SKAP2: variants seen among roughly 807,000 people sequenced by gnomAD.
SKAP2 encodes the protein src kinase associated phosphoprotein 2.
A neutral mutation model predicts 54.9 loss-of-function variants in SKAP2; 28 were observed. The ratio of observed to expected loss-of-function variants is 0.51; its 90% CI spans 0.38 to 0.70. The LOEUF is 0.70. Among genes scored for constraint, SKAP2 ranks in the 30% least tolerant of loss-of-function variants. SKAP2 has a pLI of 0.00. For missense variants in SKAP2, 356 were observed against 424.1 expected, an observed-to-expected ratio of 0.84 and a Z score of 1.41; for synonymous variants, 137 against 134.3, an observed-to-expected ratio of 1.02 and a Z score of -0.14.
At chr7:26,842,627 CTGTG>C (rs1315631902) in intron 4 of SKAP2, among the ~76,000 whole-genome samples, 2 of 151,564 alleles carry the variant, frequency 1.3e-5, no homozygotes, top group African/African-American at 4.8e-5. Flanking sequence ...AATATTCTGT[CTGTG>C]TATGTGTATA....
intron 1 of SKAP2, among the ~76,000 whole-genome samples, chr7:26,855,864 G>A (rs1785151587): frequency 6.6e-6 from 1 of 151,866 alleles, no homozygotes; most frequent in Admixed American, 6.6e-5. Context: ...TGTTTAAGTA[G>A]GCATGGCTAT....
the SKAP2 span, among the ~76,000 whole-genome samples, chr7:26,659,699 C>T: frequency 1.1e-4 from 16 of 152,036 alleles, no homozygotes; most frequent in South Asian, 2.1e-4. Context: ...CTCCCATTCT[C>T]CCCTTCCCAG....
intron 4 of SKAP2, among the ~76,000 whole-genome samples, chr7:26,830,306 G>A (rs1254483062): frequency 2.6e-5 from 4 of 152,066 alleles, no homozygotes. Flanking sequence ...TCGTGGAGAT[G>A]AAAATGTTCT....
At chr7:26,696,846 T>A (rs557199919) in intron 9 of SKAP2, among the ~76,000 whole-genome samples, 1 of 152,228 alleles carries the variant, frequency 6.6e-6, no homozygotes, top group East Asian at 1.9e-4. Context: ...AGTTTGAGTT[T>A]ATAGTGAGCA....
At chr7:26,663,666 T>TA (rs1006541186), downstream of SKAP2, among the ~76,000 whole-genome samples, 2 of 152,132 alleles carry the variant, frequency 1.3e-5, no homozygotes, top group African/African-American at 4.8e-5. Flanking sequence ...ACCCATCTCC[T>TA]AAAAAACAAC....
intron 11 of SKAP2, among the ~76,000 whole-genome samples, chr7:26,673,465 A>G (rs1786284000): frequency 1.3e-5 from 2 of 152,124 alleles, no homozygotes; most frequent in Non-Finnish European, 2.9e-5. Flanking sequence ...ATCACTAGAA[A>G]GAGGCCTGCA....
chr7:26,743,870 A>C (rs556524171), intron 4 of SKAP2, among the ~76,000 whole-genome samples: 57 of 152,302 alleles, frequency 3.7e-4, no homozygotes, highest in Admixed American at 9.2e-4. Flanking sequence ...TCAGGGAAAA[A>C]GGCAATAGTG....
At chr7:26,701,898 C>T (rs1787035631) in intron 9 of SKAP2, among the ~76,000 whole-genome samples, 2 of 151,752 alleles carry the variant, frequency 1.3e-5, no homozygotes, top group Admixed American at 1.3e-4. Context: ...TCATTAATAC[C>T]ACAAAATACC....
chr7:26,851,574 T>C (rs1785044157), intron 3 of SKAP2, among the ~76,000 whole-genome samples: 1 of 151,434 alleles, frequency 6.6e-6, no homozygotes, highest in African/African-American at 2.4e-5. Flanking sequence ...TGAGGGGTGG[T>C]GGGGGTGGGG....
At chr7:26,679,606 C>T (rs1331284588) in intron 11 of SKAP2, among the ~76,000 whole-genome samples, 1 of 152,176 alleles carries the variant, frequency 6.6e-6, no homozygotes, top group Admixed American at 6.5e-5. Context: ...ATGCATGTCC[C>T]ACATTCAGAT....
chr7:26,822,680 C>A (rs1364720079), intron 4 of SKAP2, among the ~76,000 whole-genome samples: 5 of 151,358 alleles, frequency 3.3e-5, no homozygotes, highest in Admixed American at 6.6e-5. Context: ...TCGAGACCAT[C>A]CTGGCTAACA....
At chr7:26,845,148 A>T (rs975175297) in intron 3 of SKAP2, among the ~76,000 whole-genome samples, 6 of 152,152 alleles carry the variant, frequency 3.9e-5, no homozygotes, top group African/African-American at 1.4e-4. Flanking sequence ...GCACAAGGAA[A>T]ATCCCCATAG....
the SKAP2 span, among the ~76,000 whole-genome samples, chr7:26,656,564 A>G: frequency 6.6e-6 from 1 of 152,244 alleles, no homozygotes; most frequent in East Asian, 1.9e-4. Context: ...AGATGTGCAG[A>G]TCAGTTACAG....
intron 4 of SKAP2, among the ~76,000 whole-genome samples, chr7:26,804,549 G>A (rs527835513): frequency 6.6e-6 from 1 of 152,148 alleles, no homozygotes; most frequent in Non-Finnish European, 1.5e-5. Context: ...GACCATCCTG[G>A]CTAATGTGGT....
chr7:26,699,813 C>T (rs1786983827), intron 9 of SKAP2, among the ~76,000 whole-genome samples: 1 of 151,912 alleles, frequency 6.6e-6, no homozygotes, highest in Non-Finnish European at 1.5e-5. Context: ...GTTCATCCAC[C>T]ACATGAAAAA....
intron 6 of SKAP2, among the ~76,000 whole-genome samples, chr7:26,733,456 T>C (rs1787862107): frequency 6.6e-6 from 1 of 151,894 alleles, no homozygotes; most frequent in Admixed American, 6.6e-5. Flanking sequence ...TTCTATTAAG[T>C]TGTTGTTACA....
intron 1 of SKAP2, among the ~76,000 whole-genome samples, chr7:26,860,772 C>A (rs1177383043): frequency 5.8e-5 from 1 of 17,236 alleles, no homozygotes; most frequent in African/African-American, 2.6e-4. Context: ...TCACCTAGTG[C>A]CCCTACAGGA....
intron 6 of SKAP2, among the ~76,000 whole-genome samples, chr7:26,731,162 G>A (rs1255420657): frequency 6.6e-6 from 1 of 152,122 alleles, no homozygotes; most frequent in Non-Finnish European, 1.5e-5. Context: ...AATCACCTAT[G>A]TTAGAATCAA....
intron 4 of SKAP2, among the ~76,000 whole-genome samples, chr7:26,752,293 G>A (rs1048488297): frequency 1.3e-5 from 2 of 152,032 alleles, no homozygotes; most frequent in African/African-American, 4.8e-5. Flanking sequence ...TACTGAAATG[G>A]GAAAGAAATT....
Sources: gnomAD v4.1 joint callset for allele counts (sites outside exome capture counted in the v4.1 genomes callset) on GRCh38, gnomAD v4.1.1 for gene constraint, MANE v1.5 for transcripts, NCBI Gene and HGNC (gene_info 2026-07-23, HGNC 2026-07-21) for gene names.